The following TBXAS1 variants were observed in gnomAD, a reference collection of about 807,000 sequenced individuals.
TBXAS1 encodes thromboxane-A synthase.
TBXAS1 carries 48 observed loss-of-function variants against 60.7 expected under a neutral mutation model. That is an observed-to-expected ratio of 0.79 (90% CI 0.63 to 1.01). The LOEUF is 1.01. TBXAS1 is among the 50% of genes least tolerant of loss of function. TBXAS1 has a pLI of 0.00. For synonymous variants in TBXAS1, 287 were observed against 269.7 expected (o/e 1.06, Z -0.63); for missense variants, 685 against 686.3 (o/e 1.00, Z 0.02).
chr7:139,902,515 A>G lies in TBXAS1; in HGVS notation c.237-8710A>G, dbSNP rs527265788. Among the ~76,000 whole-genome samples, 173 of 152,286 alleles carry G rather than the reference A, an allele frequency of 1.1e-3. 1 individual carries two copies. The highest frequency in any genetic ancestry group is 1.9e-3 in the Non-Finnish European group (132 of 68,038). ...TACAGTTTGTTTACCCATCTACCCA[A>G]TGAAGAACATTTGAATTGTTTTCAG... is the stretch of plus-strand genomic sequence containing the variant. On this transcript the variant is annotated intron_variant, in intron 3 of 12. Transcript: ENST00000448866.
intron 1 of TBXAS1, among the ~76,000 whole-genome samples, chr7:139,835,913 A>C (rs1799025573): frequency 6.6e-6 from 1 of 152,146 alleles, no homozygotes; most frequent in South Asian, 2.1e-4. Flanking sequence ...TAGAACTGAT[A>C]AAAGAATTCA....
At chr7:139,981,479 C>T (rs1811978048) in intron 9 of TBXAS1, among the ~76,000 whole-genome samples, 1 of 152,180 alleles carries the variant, frequency 6.6e-6, no homozygotes, top group African/African-American at 2.4e-5. Flanking sequence ...AAAAGTGAAG[C>T]AGAATGGCTT....
intron 3 of TBXAS1, among the ~76,000 whole-genome samples, chr7:139,900,793 T>C (rs931866247): frequency 1.3e-5 from 2 of 152,196 alleles, no homozygotes; most frequent in Non-Finnish European, 2.9e-5. Context: ...TAGATTAATA[T>C]ATTCTCAGTT....
intron 9 of TBXAS1, among the ~76,000 whole-genome samples, chr7:139,984,936 G>GA (rs370671729): frequency 0.47 from 54,448 of 115,300 alleles, 11,474 homozygotes; most frequent in East Asian, 0.78. Context: ...AAGAAAGAAA[G>GA]AAAGAAAAGA....
At chr7:139,793,814 G>T (rs75945281) in intron 4 of TBXAS1, among the ~76,000 whole-genome samples, 1 of 152,314 alleles carries the variant, frequency 6.6e-6, no homozygotes, top group African/African-American at 2.4e-5. Context: ...AATAAGCCAA[G>T]CTTTTCAGAG....
chr7:139,977,309 G>A (rs1010362613), intron 9 of TBXAS1, among the ~76,000 whole-genome samples: 2 of 152,210 alleles, frequency 1.3e-5, no homozygotes, highest in Non-Finnish European at 2.9e-5. Flanking sequence ...CATCTTACGT[G>A]GATGGCGGCA....
chr7:139,812,374 T>C (rs1443918874), intron 4 of TBXAS1, among the ~76,000 whole-genome samples: 2 of 152,222 alleles, frequency 1.3e-5, no homozygotes, highest in African/African-American at 2.4e-5. Context: ...TCATATCAGA[T>C]GCTTTACCCT....
intron 3 of TBXAS1, among the ~76,000 whole-genome samples, chr7:139,881,464 C>CG (rs921009101): frequency 6.6e-6 from 1 of 151,272 alleles, no homozygotes; most frequent in African/African-American, 2.4e-5. Flanking sequence ...TTCCCCCCCT[C>CG]CAGGAGGGTA....
At chr7:139,927,001 G>GT (rs894042216) in intron 4 of TBXAS1, among the ~76,000 whole-genome samples, 4 of 151,274 alleles carry the variant, frequency 2.6e-5, no homozygotes, top group Admixed American at 6.6e-5. Flanking sequence ...TTGTTTGTTT[G>GT]TTTTTTGTTT....
chr7:139,938,210 G>A (rs1225526411), intron 5 of TBXAS1, among the ~76,000 whole-genome samples: 1 of 152,164 alleles, frequency 6.6e-6, no homozygotes, highest in Non-Finnish European at 1.5e-5. Context: ...ATACAGTGTA[G>A]ACAGCAGGAG....
intron 3 of TBXAS1, among the ~76,000 whole-genome samples, chr7:139,908,515 AAT>A (rs1433958582): frequency 6.6e-6 from 1 of 152,084 alleles, no homozygotes; most frequent in Non-Finnish European, 1.5e-5. Context: ...TTCTTGTGTA[AAT>A]ACACATATAT....
intron 9 of TBXAS1, among the ~76,000 whole-genome samples, chr7:139,984,151 G>A (rs1812164982): frequency 1.3e-5 from 2 of 152,232 alleles, no homozygotes. Context: ...GCATGACACA[G>A]TTCCCCCTAA....
At chr7:139,873,449 G>T (rs73734132) in intron 2 of TBXAS1, among the ~76,000 whole-genome samples, 2,898 of 152,240 alleles carry the variant, frequency 0.019, 65 homozygotes, top group African/African-American at 0.047. Flanking sequence ...ACGATGGCTC[G>T]GTCTGGTCGG....
intron 3 of TBXAS1, among the ~76,000 whole-genome samples, chr7:139,895,935 C>T (rs967423970): frequency 1.3e-5 from 2 of 152,128 alleles, no homozygotes; most frequent in Admixed American, 1.3e-4. Context: ...AGAAAATGAC[C>T]AGGGGCTGGG....
At chr7:139,784,014 T>G (rs867357039) in intron 3 of TBXAS1, among the ~76,000 whole-genome samples, 2,076 of 131,274 alleles carry the variant, frequency 0.016, 41 homozygotes, top group African/African-American at 0.087. Context: ...TTTTTTTGTT[T>G]TTTTTTTTTT....
At chr7:139,793,249 T>G (rs886346726) in intron 4 of TBXAS1, among the ~76,000 whole-genome samples, 1 of 151,984 alleles carries the variant, frequency 6.6e-6, no homozygotes, top group African/African-American at 2.4e-5. Context: ...AAACCTTGTC[T>G]CTACTAAAAG....
intron 3 of TBXAS1, among the ~76,000 whole-genome samples, chr7:139,886,774 A>G (rs1219559237): frequency 1.3e-5 from 2 of 152,102 alleles, no homozygotes; most frequent in Non-Finnish European, 2.9e-5. Context: ...TCACTTCTTC[A>G]TCTCACTGCC....
At chr7:139,971,256 T>C (rs773459064) in intron 9 of TBXAS1, among the ~76,000 whole-genome samples, 3 of 152,066 alleles carry the variant, frequency 2.0e-5, no homozygotes, top group East Asian at 3.9e-4. Flanking sequence ...AGGCCCCTCC[T>C]CCCAGCCCGT....
At chr7:139,786,477 AT>A in intron 3 of TBXAS1, among the ~76,000 whole-genome samples, 1 of 152,342 alleles carries the variant, frequency 6.6e-6, no homozygotes. Flanking sequence ...AGTTTCACAG[AT>A]AGACCTTTTA....
Sources: gnomAD v4.1 joint callset for allele counts (sites outside exome capture counted in the v4.1 genomes callset) on GRCh38, gnomAD v4.1.1 for gene constraint, MANE v1.5 for transcripts, NCBI Gene and HGNC (gene_info 2026-07-23, HGNC 2026-07-21) for gene names.